Variants in ASAP1 observed in about 807,000 individuals in gnomAD.
ASAP1 encodes the protein ArfGAP with SH3 domain, ankyrin repeat and PH domain 1, also known as arf-GAP with SH3 domain, ANK repeat and PH domain-containing protein 1.
Under a neutral mutation model 145.2 loss-of-function variants are expected in ASAP1, and 43 were observed. The observed-to-expected ratio is 0.30, with a 90% CI of 0.23 to 0.38. The LOEUF (loss-of-function observed/expected upper bound fraction) is 0.38, where lower values mean the gene tolerates loss of function less well. Ranked by LOEUF, ASAP1 falls within the 10% of genes least tolerant of loss-of-function variation. The probability of loss-of-function intolerance (pLI) is 1.00; values close to 1 mark genes in which losing one functional copy is unlikely to be tolerated. For missense variants in ASAP1, 1,018 were observed against 1,355.3 expected (o/e 0.75, Z 3.91); for synonymous variants, 546 against 515.5 (o/e 1.06, Z -0.80).
At chr8:130,203,317 G>A (rs1006341409) in intron 5 of ASAP1, among the ~76,000 whole-genome samples, 1 of 152,202 alleles carries the variant, frequency 6.6e-6, no homozygotes, top group South Asian at 2.1e-4. Flanking sequence ...CACTGTGTAC[G>A]GCTGTGCAGG....
At chr8:130,079,872 C>T in intron 26 of ASAP1, 30 bp downstream of exon 26, 6 of 1,600,798 alleles carry the variant, frequency 3.7e-6, no homozygotes, top group Non-Finnish European at 5.1e-6. Context: ...ATGGATCCAA[C>T]AGGGGAAATG....
At chr8:130,125,903 A>T in intron 17 of ASAP1, 53 bp downstream of exon 17, 1 of 1,535,806 alleles carries the variant, frequency 6.5e-7, no homozygotes, top group Non-Finnish European at 8.7e-7. Flanking sequence ...ACAATATATT[A>T]AAATTACTCA....
chr8:130,328,611 CTTTTT>C (rs35169399), intron 3 of ASAP1, among the ~76,000 whole-genome samples: 1 of 137,504 alleles, frequency 7.3e-6, no homozygotes, highest in East Asian at 2.1e-4. Flanking sequence ...CTCAGTAGTT[CTTTTT>C]TTTTTTTTTT....
intron 11 of ASAP1, among the ~76,000 whole-genome samples, chr8:130,162,222 A>C (rs2097670670): frequency 6.6e-6 from 1 of 152,228 alleles, no homozygotes; most frequent in South Asian, 2.1e-4. Flanking sequence ...ACTGTACTAA[A>C]TAGCAGACAA....
At chr8:130,124,511 C>T (rs2097571872) in intron 17 of ASAP1, among the ~76,000 whole-genome samples, 1 of 152,314 alleles carries the variant, frequency 6.6e-6, no homozygotes, top group African/African-American at 2.4e-5. Context: ...GCTTATCAAC[C>T]ACCATCATGT....
rs773143186 is a variant in ASAP1, at chr8:130,167,422, A to T, written c.909+114T>A. ...TCTACATGGGGCTTATGGTAGGTAC[A>T]TACTTGCATATTATATATCACTGTG... On this transcript the variant is annotated intron_variant, in intron 11 of 29. Transcript: ENST00000518721. The T allele has an allele frequency of 2.3e-6, 2 of 868,490 alleles. No individual in the cohort carries two copies. The highest frequency in any genetic ancestry group is 1.7e-5 in the Admixed American group (1 of 59,060). 53.8% of individuals were successfully genotyped at this position (868,490 alleles called of 1,614,324 possible).
At chr8:130,071,806 T>C (rs1173745667) in intron 27 of ASAP1, among the ~76,000 whole-genome samples, 1 of 152,182 alleles carries the variant, frequency 6.6e-6, no homozygotes, top group East Asian at 1.9e-4. Flanking sequence ...ATTCATACAC[T>C]ATGATGGACT....
At chr8:130,134,110 T>C (rs1299130582) in intron 15 of ASAP1, among the ~76,000 whole-genome samples, 186 bp downstream of exon 15, 1 of 152,102 alleles carries the variant, frequency 6.6e-6, no homozygotes, top group African/African-American at 2.4e-5. Flanking sequence ...CAGAGCTTAT[T>C]GAGTAGACAA....
intron 2 of ASAP1, among the ~76,000 whole-genome samples, chr8:130,362,292 G>C (rs1437782256): frequency 6.6e-6 from 1 of 152,202 alleles, no homozygotes; most frequent in Non-Finnish European, 1.5e-5. Context: ...ACCACAAGGA[G>C]CTTTGATCCA....
At chr8:130,183,714 G>T (rs1317560281) in intron 7 of ASAP1, among the ~76,000 whole-genome samples, 1 of 151,964 alleles carries the variant, frequency 6.6e-6, no homozygotes, top group African/African-American at 2.4e-5. Flanking sequence ...CACTTTTTGT[G>T]GTGGCAGAAT....
rs75175056 is a variant in ASAP1, at chr8:130,402,346, C to A, written c.-27-376G>T. On this transcript the variant is annotated intron_variant, in intron 1 of 29. Transcript: ENST00000518721. ...ACAGACACCTGCAGCTGGGTGCCCA[C>A]GAGAAAGCAAAAGTGTTCACCCGGC... is the stretch of plus-strand genomic sequence containing the variant. 2.6e-3 allele frequency among the ~76,000 whole-genome samples: 388 copies of A among 152,128 alleles called. 8 individuals carry two copies. In the East Asian group the frequency reaches 0.036, roughly 14 times the overall value.
chr8:130,135,575 G>C (rs2097592692), intron 14 of ASAP1, among the ~76,000 whole-genome samples: 1 of 152,230 alleles, frequency 6.6e-6, no homozygotes, highest in Non-Finnish European at 1.5e-5. Flanking sequence ...AGCTTTGGTT[G>C]AATCTCTGCT....
intron 28 of ASAP1, among the ~76,000 whole-genome samples, chr8:130,058,541 C>G (rs1447237607): frequency 1.3e-5 from 2 of 152,224 alleles, no homozygotes; most frequent in African/African-American, 4.8e-5. Flanking sequence ...TCATGCAAAA[C>G]AGCAAGTCAG....
intron 4 of ASAP1, among the ~76,000 whole-genome samples, chr8:130,230,011 G>C (rs562716363): frequency 1.6e-4 from 24 of 152,056 alleles, no homozygotes; most frequent in Non-Finnish European, 2.6e-4. Flanking sequence ...GATGCCGTGA[G>C]TGAGACTGCG....
chr8:130,337,824 C>T (rs1309805475), intron 3 of ASAP1, among the ~76,000 whole-genome samples: 1 of 152,234 alleles, frequency 6.6e-6, no homozygotes, highest in Non-Finnish European at 1.5e-5. Flanking sequence ...AATGGCCAGA[C>T]TTGGTAGCAA....
chr8:130,361,878 C>G (rs1040667970), intron 2 of ASAP1: 1 of 759,016 alleles, frequency 1.3e-6, no homozygotes, highest in Non-Finnish European at 2.3e-6. Context: ...GAAAAATGTG[C>G]GCACACACAT....
At chr8:130,077,992 CTT>C (rs555579534) in intron 26 of ASAP1, among the ~76,000 whole-genome samples, 35 of 139,420 alleles carry the variant, frequency 2.5e-4, no homozygotes, top group East Asian at 1.3e-3. Flanking sequence ...TGTTTAAAAA[CTT>C]TTTTTTTTTT....
Position 130,171,322 on chromosome 8 carries a change from C to T in ASAP1, c.747-2255G>A, listed in dbSNP as rs145902224. ...TGTTGCTATGAAGGAACACCCAAGA[C>T]GGAGTAATTTATAAAGAAAAGAGGT... is the stretch of plus-strand genomic sequence containing the variant. On this transcript the variant is annotated intron_variant, in intron 9 of 29. Coordinates refer to ENST00000518721, the MANE Select transcript of ASAP1 (RefSeq NM_018482.4). Among the ~76,000 whole-genome samples, 26 of 152,224 alleles carry T rather than the reference C, an allele frequency of 1.7e-4. 1 individual carries two copies. The East Asian group carries it at 4.1e-3, about 24-fold the overall frequency.
chr8:130,283,617 A>C (rs1821406634), intron 3 of ASAP1, among the ~76,000 whole-genome samples: 1 of 148,408 alleles, frequency 6.7e-6, no homozygotes, highest in Non-Finnish European at 1.5e-5. Context: ...AAAAAAAAGA[A>C]GGCAGGATGC....
Sources: allele counts gnomAD v4.1 joint callset (sites outside exome capture counted in the v4.1 genomes callset), GRCh38; gene constraint gnomAD v4.1.1; transcripts MANE v1.5; gene names NCBI Gene and HGNC (gene_info 2026-07-23, HGNC 2026-07-21).